Variants in BFSP1 observed in about 807,000 individuals in gnomAD.
The protein encoded by BFSP1 is beaded filament structural protein 1.
BFSP1 carries 38 observed loss-of-function variants against 43.9 expected under a neutral mutation model. The ratio of observed to expected loss-of-function variants is 0.87; its 90% CI spans 0.67 to 1.14. The LOEUF (loss-of-function observed/expected upper bound fraction) is 1.14, where lower values mean the gene tolerates loss of function less well. Among genes scored for constraint, BFSP1 ranks in the 50% most tolerant of loss-of-function variants. The probability of loss-of-function intolerance (pLI) is 0.00; values close to 1 mark genes in which losing one functional copy is unlikely to be tolerated. For synonymous variants in BFSP1, 352 were observed against 354.8 expected (o/e 0.99, Z 0.09); for missense variants, 850 against 875.1 (o/e 0.97, Z 0.36).
intron 4 of BFSP1, among the ~76,000 whole-genome samples, chr20:17,509,965 T>G (rs1263189405): frequency 6.6e-6 from 1 of 152,194 alleles, no homozygotes; most frequent in Non-Finnish European, 1.5e-5. Flanking sequence ...AAGTCTACAA[T>G]GAGGGTTTCT....
chr20:17,498,683 C>T, intron 6 of BFSP1, 137 bp downstream of exon 6: 1 of 1,035,820 alleles, frequency 9.7e-7, no homozygotes, highest in Non-Finnish European at 1.4e-6. Context: ...TTATCCAACA[C>T]CCATGGGGTC....
intron 1 of BFSP1, among the ~76,000 whole-genome samples, chr20:17,551,666 G>A (rs759514903): frequency 6.6e-6 from 1 of 151,978 alleles, no homozygotes; most frequent in Non-Finnish European, 1.5e-5. Context: ...CACTCTTCTG[G>A]GCCTTGGGAT....
chr20:17,553,828 T>TATATATATACACATATATATAC (rs1464837976), intron 1 of BFSP1, among the ~76,000 whole-genome samples: 12 of 104,042 alleles, frequency 1.2e-4, no homozygotes, highest in Non-Finnish European at 1.2e-4. Context: ...CACACACATA[T>TATATATATACACATATATATAC]ATATATATAC....
chr20:17,563,328 T>C (rs1380691257), upstream of BFSP1, among the ~76,000 whole-genome samples: 1 of 152,020 alleles, frequency 6.6e-6, no homozygotes, highest in East Asian at 1.9e-4. Flanking sequence ...GGTCTAGAAA[T>C]ATGGTATATG....
chr20:17,496,504 C>T (rs1208540789), intron 7 of BFSP1, among the ~76,000 whole-genome samples: 5 of 152,158 alleles, frequency 3.3e-5, no homozygotes, highest in Admixed American at 3.3e-4. Context: ...CCATGTTACA[C>T]GCGTTGGCAC....
chr20:17,524,957 C>A, intron 1 of BFSP1, 49 bp from the exon 2 acceptor site: 1 of 1,485,502 alleles, frequency 6.7e-7, no homozygotes, highest in Non-Finnish European at 9.4e-7. Flanking sequence ...CATGCTTTCA[C>A]ATGTATGGAT....
rs572924538 is a variant in BFSP1, at chr20:17,505,103, C to T, written c.735+3786G>A. Among the ~76,000 whole-genome samples, 3 of 152,322 alleles carry T rather than the reference C, an allele frequency of 2.0e-5. No homozygotes were observed. In the South Asian group the frequency reaches 6.2e-4, roughly 32 times the overall value. On this transcript the variant is annotated intron_variant, in intron 5 of 7. Coordinates refer to ENST00000377873, the MANE Select transcript of BFSP1 (RefSeq NM_001195.5). ...TTCCCTGTCACAGAAACTCTCAGTC[C>T]ATGCAATTTAGGGAACTAGAATTAC...
chr20:17,506,850 T>G (rs1472137963), intron 5 of BFSP1: 1 of 152,188 alleles, frequency 6.6e-6, no homozygotes, highest in Non-Finnish European at 1.5e-5. Flanking sequence ...TATCTGTATT[T>G]TATTTTATGC....
intron 1 of BFSP1, among the ~76,000 whole-genome samples, chr20:17,538,755 C>T (rs1279822274): frequency 6.6e-6 from 1 of 152,188 alleles, no homozygotes; most frequent in Non-Finnish European, 1.5e-5. Context: ...GTCATTGTCC[C>T]AGCAGGTGCC....
intron 1 of BFSP1, among the ~76,000 whole-genome samples, chr20:17,549,998 G>C (rs2034870204): frequency 6.6e-6 from 1 of 152,158 alleles, no homozygotes; most frequent in African/African-American, 2.4e-5. Flanking sequence ...TAGGAGATCT[G>C]TCCCAAGCCC....
chr20:17,560,188 A>G (rs2035054488), upstream of BFSP1, among the ~76,000 whole-genome samples: 4 of 152,102 alleles, frequency 2.6e-5, no homozygotes, highest in Admixed American at 2.0e-4. Context: ...CCCATTACAT[A>G]TCTACATCTA....
chr20:17,553,632 AGAG>A (rs1241143049), intron 1 of BFSP1, among the ~76,000 whole-genome samples: 1 of 151,766 alleles, frequency 6.6e-6, no homozygotes, highest in Non-Finnish European at 1.5e-5. Context: ...CAGAACAGAA[AGAG>A]GATAGACAGT....
chr20:17,569,080 C>G (rs1431706561), intron 1 of BFSP1: 3 of 152,212 alleles, frequency 2.0e-5, no homozygotes, highest in African/African-American at 7.2e-5. Flanking sequence ...CCCGGGACAG[C>G]GCGGCCTTTC....
chr20:17,545,432 G>T (rs2034783631), intron 1 of BFSP1, among the ~76,000 whole-genome samples: 1 of 152,198 alleles, frequency 6.6e-6, no homozygotes, highest in African/African-American at 2.4e-5. Flanking sequence ...GCCAGTTCCT[G>T]GAATTCTTTA....
intron 1 of BFSP1, among the ~76,000 whole-genome samples, chr20:17,527,374 C>T (rs570799067): frequency 1.3e-5 from 2 of 152,278 alleles, no homozygotes; most frequent in East Asian, 3.9e-4. Context: ...AGGATCAACA[C>T]ATTAACCTGA....
At chr20:17,531,404 CTAAA>C (rs930412983), upstream of BFSP1, 2 of 1,270,344 alleles carry the variant, frequency 1.6e-6, no homozygotes, top group African/African-American at 3.2e-5. Flanking sequence ...CCGCAGCCCG[CTAAA>C]TAAACACCGG....
chr20:17,558,456 C>T (rs906271699), intron 1 of BFSP1, among the ~76,000 whole-genome samples: 13 of 152,108 alleles, frequency 8.5e-5, no homozygotes, highest in Admixed American at 4.6e-4. Context: ...CTTTATTTAC[C>T]GAATATGCAC....
intron 1 of BFSP1, among the ~76,000 whole-genome samples, chr20:17,553,496 T>C (rs1234556538): frequency 1.3e-5 from 2 of 152,146 alleles, no homozygotes; most frequent in Non-Finnish European, 2.9e-5. Context: ...TCATTGGCAA[T>C]TCAGTGATGA....
intron 1 of BFSP1, among the ~76,000 whole-genome samples, chr20:17,539,069 A>T (rs2034673945): frequency 6.8e-6 from 1 of 147,932 alleles, no homozygotes; most frequent in South Asian, 2.1e-4. Context: ...GATCCCAAGG[A>T]ATTGGGCACA....
Sources: gnomAD v4.1 joint callset for allele counts (sites outside exome capture counted in the v4.1 genomes callset) on GRCh38, gnomAD v4.1.1 for gene constraint, MANE v1.5 for transcripts, NCBI Gene and HGNC (gene_info 2026-07-23, HGNC 2026-07-21) for gene names.